The following STARD13 variants were observed in gnomAD, a reference collection of about 807,000 sequenced individuals.
STARD13 encodes StAR related lipid transfer domain containing 13.
In STARD13, 62 loss-of-function variants were observed where a neutral mutation model predicts 106.4. The ratio of observed to expected loss-of-function variants is 0.58; its 90% CI spans 0.48 to 0.72. The LOEUF (loss-of-function observed/expected upper bound fraction) is 0.72. STARD13 is among the 30% of genes least tolerant of loss of function. The pLI is 0.00. For missense variants in STARD13, 1,387 were observed against 1,424.0 expected (o/e 0.97, Z 0.42); for synonymous variants, 565 against 553.0 (o/e 1.02, Z -0.31).
At chr13:33,208,494 A>G in intron 1 of STARD13, among the ~76,000 whole-genome samples, 1 of 152,168 alleles carries the variant, frequency 6.6e-6, no homozygotes, top group East Asian at 1.9e-4. Context: ...GCGGAACCAT[A>G]TATGGGATGG....
intron 1 of STARD13, among the ~76,000 whole-genome samples, chr13:33,193,980 G>A (rs1056241779): frequency 2.7e-5 from 4 of 150,248 alleles, no homozygotes; most frequent in Non-Finnish European, 4.5e-5. Flanking sequence ...AACAAAAAAA[G>A]GCCCTTTAAG....
intron 1 of STARD13, among the ~76,000 whole-genome samples, chr13:33,307,666 G>A (rs1288708977): frequency 6.6e-6 from 1 of 152,178 alleles, no homozygotes; most frequent in Non-Finnish European, 1.5e-5. Flanking sequence ...GGGAGTTGGG[G>A]AGAGGGAAGG....
the STARD13 span, among the ~76,000 whole-genome samples, chr13:33,655,700 A>G: frequency 6.6e-6 from 1 of 152,340 alleles, no homozygotes; most frequent in Non-Finnish European, 1.5e-5. Context: ...AGAATTCTAT[A>G]TAGTAACTGG....
chr13:33,433,553 G>A, the STARD13 span, among the ~76,000 whole-genome samples: 4 of 152,116 alleles, frequency 2.6e-5, no homozygotes, highest in Admixed American at 2.6e-4. Flanking sequence ...CCTTCCATCT[G>A]CGTATGCGGA....
At chr13:33,415,346 C>T in the STARD13 span, among the ~76,000 whole-genome samples, 4 of 151,950 alleles carry the variant, frequency 2.6e-5, no homozygotes, top group African/African-American at 7.3e-5. Flanking sequence ...CCAGCCTGGG[C>T]GACAGAGTGA....
At chr13:33,461,564 C>G in the STARD13 span, among the ~76,000 whole-genome samples, 51 of 152,248 alleles carry the variant, frequency 3.3e-4, no homozygotes, top group African/African-American at 1.2e-3. Context: ...AGAGGCTTCT[C>G]TTGAGGTATT....
At chr13:33,519,442 G>A in the STARD13 span, among the ~76,000 whole-genome samples, 5 of 150,438 alleles carry the variant, frequency 3.3e-5, no homozygotes, top group Admixed American at 6.6e-5. Context: ...CACCCACCTC[G>A]GCCTCCCAAA....
At chr13:33,395,404 A>C in the STARD13 span, among the ~76,000 whole-genome samples, 2 of 152,156 alleles carry the variant, frequency 1.3e-5, no homozygotes, top group Non-Finnish European at 2.9e-5. Flanking sequence ...ATATATTTAT[A>C]ATATTTATAA....
chr13:33,362,592 TG>T, the STARD13 span, among the ~76,000 whole-genome samples: 3 of 152,212 alleles, frequency 2.0e-5, no homozygotes, highest in Admixed American at 6.5e-5. Flanking sequence ...CCCCTGTTCC[TG>T]GAACATTGCT....
the STARD13 span, among the ~76,000 whole-genome samples, chr13:33,528,255 T>TAC: frequency 1.6e-5 from 2 of 128,892 alleles, no homozygotes; most frequent in African/African-American, 7.1e-5. Context: ...TATATATATA[T>TAC]ACATATATAT....
chr13:33,140,618 T>G (rs963077337), intron 4 of STARD13, among the ~76,000 whole-genome samples: 1 of 152,200 alleles, frequency 6.6e-6, no homozygotes, highest in African/African-American at 2.4e-5. Context: ...TAAAATTCAT[T>G]TGATCTTCTT....
the STARD13 span, among the ~76,000 whole-genome samples, chr13:33,535,058 T>C: frequency 2.6e-4 from 40 of 151,944 alleles, no homozygotes; most frequent in African/African-American, 8.9e-4. Flanking sequence ...CTATTAAAAA[T>C]ACAAAAATTA....
the STARD13 span, among the ~76,000 whole-genome samples, chr13:33,428,622 C>G: frequency 6.6e-6 from 1 of 152,064 alleles, no homozygotes; most frequent in African/African-American, 2.4e-5. Flanking sequence ...AAGAGATCAT[C>G]TCATCCCAAT....
chr13:33,425,966 C>T, the STARD13 span, among the ~76,000 whole-genome samples: 1 of 152,114 alleles, frequency 6.6e-6, no homozygotes, highest in Non-Finnish European at 1.5e-5. Context: ...CTCATTTAGC[C>T]ATTATTTTAA....
At chr13:33,438,527 C>T in the STARD13 span, among the ~76,000 whole-genome samples, 6 of 152,328 alleles carry the variant, frequency 3.9e-5, no homozygotes, top group Non-Finnish European at 7.3e-5. Flanking sequence ...AAAAATTATG[C>T]ATAGTTGATG....
the STARD13 span, among the ~76,000 whole-genome samples, chr13:33,646,294 G>A: frequency 1.3e-5 from 2 of 152,142 alleles, no homozygotes; most frequent in Non-Finnish European, 2.9e-5. Context: ...CTTAAAACGC[G>A]ACATGGTAAA....
chr13:33,162,912 C>A (rs1179866797), intron 3 of STARD13, among the ~76,000 whole-genome samples: 3 of 152,122 alleles, frequency 2.0e-5, no homozygotes, highest in Non-Finnish European at 4.4e-5. Context: ...TTCAGAAACA[C>A]CCCACTCTCG....
At chr13:33,363,948 A>G in the STARD13 span, among the ~76,000 whole-genome samples, 1 of 152,232 alleles carries the variant, frequency 6.6e-6, no homozygotes, top group East Asian at 1.9e-4. Context: ...AATCCATTAA[A>G]AAGATAGAAA....
At chr13:33,608,388 T>C in the STARD13 span, among the ~76,000 whole-genome samples, 1 of 152,038 alleles carries the variant, frequency 6.6e-6, no homozygotes, top group Non-Finnish European at 1.5e-5. Flanking sequence ...GATTCTGAAA[T>C]ATTATGAAAG....
Sources: gnomAD v4.1 joint callset for allele counts (sites outside exome capture counted in the v4.1 genomes callset) on GRCh38, gnomAD v4.1.1 for gene constraint, MANE v1.5 for transcripts, NCBI Gene and HGNC (gene_info 2026-07-23, HGNC 2026-07-21) for gene names.